Variants in MARCHF2 observed in about 807,000 individuals in gnomAD.
The protein encoded by MARCHF2 is membrane associated ring-CH-type finger 2.
A neutral mutation model predicts 24.0 loss-of-function variants in MARCHF2; 22 were observed. The observed-to-expected ratio is 0.92, with a 90% CI of 0.66 to 1.31. The LOEUF is 1.31. Ranked by LOEUF, MARCHF2 falls within the 50% of genes most tolerant of loss-of-function variation. The pLI is 0.00. For synonymous variants in MARCHF2, 154 were observed against 153.0 expected, an observed-to-expected ratio of 1.01 and a Z score of -0.05; for missense variants, 301 against 335.3, an observed-to-expected ratio of 0.90 and a Z score of 0.80.
Position 8,430,548 on chromosome 19 carries a change from A to T in MARCHF2, c.373-110A>T. 3 of 798,908 alleles carry T rather than the reference A, an allele frequency of 3.8e-6. No homozygotes were observed. The highest frequency in any genetic ancestry group is 5.9e-6 in the Non-Finnish European group (3 of 508,812). 49.5% of individuals were successfully genotyped at this position (798,908 alleles called of 1,614,324 possible). A position where few individuals can be genotyped will look rare whatever the true frequency, so the allele number is the denominator to read the frequency against. ...AGAATCTGTCTCAAAAAAAAAAAAA[A>T]GAAAGAAGGAAAGGACAGAGGGAGG... On this transcript the variant is annotated intron_variant, in intron 3 of 4. Coordinates refer to ENST00000215555, the MANE Select transcript of MARCHF2 (RefSeq NM_001005415.2). This position sits in a 1 kb window ranked among gnomAD's most constrained non-coding sequence, Gnocchi z 4.4.
At chr19:8,431,497 C>CAAAAAAAAAAAAAAAAAAAAAAAGAAAAA (rs60782968) in intron 4 of MARCHF2, among the ~76,000 whole-genome samples, 1 of 57,498 alleles carries the variant, frequency 1.7e-5, no homozygotes, top group Non-Finnish European at 3.0e-5. Context: ...AACTCGATCT[C>CAAAAAAAAAAAAAAAAAAAAAAAGAAAAA]AAAAAAAAAA....
In MARCHF2 at chr19:8,426,657, C is replaced by T. The variant is rs1295408316; in HGVS notation, c.225C>T (p.Cys75=). Residue 75 remains cysteine (C), a synonymous_variant, in exon 3 of 5, where the codon TGC becomes TGT. Transcript: ENST00000215555. ...GCCATGAGGGAGCGAACGGGGAGTGCTTGCTGTCCCCGTGTGGCTGCACCG... is the reference window on the plus strand; with the variant it reads ...GCCATGAGGGAGCGAACGGGGAGTGTTTGCTGTCCCCGTGTGGCTGCACCG... ...RICHEGANGE[C]LLSPCGCTGT... is the part of the protein sequence containing the mutation. The T allele has an allele frequency of 2.5e-6, 4 of 1,614,090 alleles. No homozygotes were observed. Among genetic ancestry groups the T allele is most frequent in the Non-Finnish European group, 3.4e-6 (4 of 1,180,016 alleles).
intron 1 of MARCHF2, among the ~76,000 whole-genome samples, chr19:8,415,735 C>CAAAAAA (rs1230223487): frequency 2.1e-5 from 2 of 96,730 alleles, no homozygotes; most frequent in Non-Finnish European, 4.2e-5. Flanking sequence ...AAAAAAAAAA[C>CAAAAAA]AAAAAAAACA....
intron 1 of MARCHF2, among the ~76,000 whole-genome samples, chr19:8,420,761 CCA>C (rs1967216822): frequency 6.6e-6 from 1 of 152,076 alleles, no homozygotes; most frequent in Non-Finnish European, 1.5e-5. Context: ...AGTCATCCTC[CCA>C]CCTCAGCCTC....
At position 8,438,396 on chromosome 19, in the gene MARCHF2, C is replaced by G; in HGVS notation, c.591C>G (p.Phe197Leu). 1.2e-6 allele frequency: 2 copies of G among 1,613,572 alleles called. No individual in the cohort carries two copies. Among genetic ancestry groups the G allele is most frequent in the East Asian group, 2.2e-5 (1 of 44,876 alleles). Residue 197 changes from phenylalanine to leucine, a missense_variant, in exon 5 of 5, where the codon TTC becomes TTG. By Grantham distance (22) the Phe-to-Leu change is conservative. Coordinates refer to ENST00000215555, the MANE Select transcript of MARCHF2 (RefSeq NM_001005415.2). ...GCAGGGCTGCCCCACAGGTCTCCTT[C>G]CGCTACCACTGCCAGCTGTACTCCG... ...TIYVLWTLVSFRYHCQLYSEW... is the reference protein window; with the variant it reads ...TIYVLWTLVSLRYHCQLYSEW...
chr19:8,422,162 C>T lies in MARCHF2; in HGVS notation c.176+146C>T, dbSNP rs2145545295. ...AGAAAGAGACACAAACAGTTATCGC[C>T]TTGTGGAAACAGAGGCCTAGCTTTG... On this transcript the variant is annotated intron_variant, in intron 2 of 4. Transcript: ENST00000215555. 7 of 840,112 alleles carry T rather than the reference C, an allele frequency of 8.3e-6. No homozygotes were observed. In the South Asian group the frequency reaches 1.5e-4, roughly 18 times the overall value. The allele number at this position is 840,112 out of a possible 1,614,324, so 52.0% of individuals were successfully genotyped here.
chr19:8,429,670 A>G (rs1273501272), intron 3 of MARCHF2, among the ~76,000 whole-genome samples: 1 of 151,024 alleles, frequency 6.6e-6, no homozygotes, highest in Non-Finnish European at 1.5e-5. Context: ...ACGCCCAGCT[A>G]ATTTTGTATT....
chr19:8,426,791 G>A lies in MARCHF2; in HGVS notation c.359G>A (p.Arg120Gln), dbSNP rs746968840. The A allele has an allele frequency of 4.3e-5, 69 of 1,611,862 alleles. No homozygotes were observed. Among genetic ancestry groups the A allele is most frequent in the Non-Finnish European group, 5.3e-5 (62 of 1,179,932 alleles). Residue 120 changes from arginine to glutamine, a missense_variant, in exon 3 of 5, where the codon CGA (arginine) becomes CAA (glutamine). By Grantham distance (43) the Arg-to-Gln change is conservative. Transcript: ENST00000215555. The part of the protein sequence containing the change: ...HTEFAVEKRP[R>Q]PLTEWLKDPG... ...GAGTTTGCAGTGGAGAAACGGCCTC[G>A]ACCCCTCACAGAGGTACCCTTAAGA...
Position 8,430,949 on chromosome 19 carries a change from TGGGGCAC to T in MARCHF2, c.582+88_582+94del. ...GGCCAAGGATTTGGCCCCTGGCTTG[TGGGGCAC>T]GGGGCTCCCTGGCTGCCTCTGTCTA... On this transcript the variant is annotated intron_variant, in intron 4 of 4. Transcript: ENST00000215555. This position sits in a 1 kb window ranked among gnomAD's most constrained non-coding sequence, Gnocchi z 4.4. The T allele has an allele frequency of 7.2e-7, 1 of 1,395,574 alleles. No individual in the cohort carries two copies. The allele number at this position is 1,395,574 out of a possible 1,614,324, so 86.4% of individuals were successfully genotyped here. A position where few individuals can be genotyped will look rare whatever the true frequency, so the allele number is the denominator to read the frequency against.
chr19:8,417,748 C>CT lies in MARCHF2; in HGVS notation c.-52-4010dup, dbSNP rs71175853. Among the ~76,000 whole-genome samples the CT allele has an allele frequency of 3.7e-3, 100 of 26,870 alleles. 7 individuals carry two copies. The highest frequency in any genetic ancestry group is 0.015 in the African/African-American group (98 of 6,616). 17.6% of individuals were successfully genotyped at this position (26,870 alleles called of 152,430 possible). A position where few individuals can be genotyped will look rare whatever the true frequency, so the allele number is the denominator to read the frequency against. The stretch of plus-strand genomic sequence containing the variant: ...CCACTACGCCCGGCCAATACCCTGT[C>CT]TTTTTTTTTTTTTTTTTTTTTTTTT... On this transcript the variant is annotated intron_variant, in intron 1 of 4. Transcript: ENST00000215555.
intron 3 of MARCHF2, among the ~76,000 whole-genome samples, chr19:8,429,045 C>G (rs1486204312): frequency 6.6e-6 from 1 of 151,750 alleles, no homozygotes; most frequent in Non-Finnish European, 1.5e-5. Flanking sequence ...CTCCCACACC[C>G]ACTTTGGTCT....
At chr19:8,414,067 G>A (rs1216927470) in intron 1 of MARCHF2, among the ~76,000 whole-genome samples, 1 of 152,166 alleles carries the variant, frequency 6.6e-6, no homozygotes, top group Non-Finnish European at 1.5e-5. Context: ...CATGCAGGGA[G>A]GAATGAATGC....
At chr19:8,415,987 G>T in intron 1 of MARCHF2, among the ~76,000 whole-genome samples, 1 of 152,044 alleles carries the variant, frequency 6.6e-6, no homozygotes, top group Non-Finnish European at 1.5e-5. Flanking sequence ...GGCCGACCAG[G>T]ATCGGAGGGT....
In MARCHF2 at chr19:8,433,947, T is replaced by C. The variant is rs573558497; in HGVS notation, c.582+3080T>C. ...GGGGTGTGAGGTATTGTTCTAGGCC[T>C]CTGGTAGGCAGCAGAACCCTTGCTT... On this transcript the variant is annotated intron_variant, in intron 4 of 4. Transcript: ENST00000215555. 3.3e-5 allele frequency among the ~76,000 whole-genome samples: 5 copies of C among 151,472 alleles called. No homozygotes were observed. The South Asian group carries it at 8.3e-4, about 25-fold the overall frequency.
chr19:8,424,012 A>G (rs1037297931), intron 2 of MARCHF2, among the ~76,000 whole-genome samples: 1 of 151,792 alleles, frequency 6.6e-6, no homozygotes, highest in Non-Finnish European at 1.5e-5. Flanking sequence ...AAGAAAGAAA[A>G]AAAAATACAG....
rs529653586 is a variant in MARCHF2 at position 8,425,951 on chromosome 19, G to A, written c.177-658G>A. On this transcript the variant is annotated intron_variant, in intron 2 of 4. Coordinates refer to ENST00000215555, the MANE Select transcript of MARCHF2 (RefSeq NM_001005415.2). ...ATTAAGAGTCGAGGATTGGGGGCCG[G>A]GTGCGGTGGCTCACGCCTGTAATCC... 2.8e-4 allele frequency among the ~76,000 whole-genome samples: 43 copies of A among 151,926 alleles called. No individual in the cohort carries two copies. The South Asian group carries it at 8.9e-3, about 31-fold the overall frequency.
intron 1 of MARCHF2, among the ~76,000 whole-genome samples, chr19:8,414,708 C>G (rs1386634645): frequency 6.6e-6 from 1 of 152,164 alleles, no homozygotes; most frequent in Non-Finnish European, 1.5e-5. Flanking sequence ...GGAAAAGGAG[C>G]CTGGGCAGGT....
chr19:8,433,859 A>G (rs554318583), intron 4 of MARCHF2, among the ~76,000 whole-genome samples: 1 of 150,368 alleles, frequency 6.7e-6, no homozygotes, highest in Non-Finnish European at 1.5e-5. Flanking sequence ...GTGACAGAAT[A>G]AGACTCTGTC....
chr19:8,435,828 CTGTGTG>C (rs35027764), intron 4 of MARCHF2, among the ~76,000 whole-genome samples: 3,227 of 141,114 alleles, frequency 0.023, 53 homozygotes, highest in South Asian at 0.046. Context: ...TGCACCTGGC[CTGTGTG>C]TGTGTGTGTG....
Sources: gnomAD v4.1 joint callset for allele counts (sites outside exome capture counted in the v4.1 genomes callset) on GRCh38, gnomAD v4.1.1 for gene constraint, Gnocchi (gnomAD v3.1) non-coding constraint, MANE v1.5 for transcripts, NCBI Gene and HGNC (gene_info 2026-07-23, HGNC 2026-07-21) for gene names.